Variants in CDR2 observed in about 807,000 individuals in gnomAD.
CDR2 encodes cerebellar degeneration-related protein 2.
In CDR2, 34 loss-of-function variants were observed where a neutral mutation model predicts 48.4. The observed-to-expected ratio is 0.70, with a 90% CI of 0.53 to 0.94. CDR2 has a LOEUF of 0.94. CDR2 is among the 40% of genes least tolerant of loss of function. The pLI, the probability that CDR2 is intolerant of heterozygous loss-of-function variation, is 0.00. For synonymous variants in CDR2, 240 were observed against 219.7 expected (o/e 1.09, Z -0.82); for missense variants, 498 against 549.5 (o/e 0.91, Z 0.94).
In CDR2 at chr16:22,346,729, G is replaced by A. The variant is rs369177018; in HGVS notation, c.*236C>T. 3.8e-5 allele frequency: 20 copies of A among 527,282 alleles called. No individual in the cohort carries two copies. The highest frequency in any genetic ancestry group is 2.7e-4 in the African/African-American group (14 of 52,764). 32.7% of individuals were successfully genotyped at this position (527,282 alleles called of 1,614,324 possible). On this transcript the variant is annotated 3_prime_UTR_variant, in exon 5 of 5. Coordinates refer to ENST00000268383, the MANE Select transcript of CDR2 (RefSeq NM_001802.2). ...TTTCAGGAACTGAAGTCTAATCAGCGCGCCAGCCAGAGGCCAGTTTGTCAT... is the reference window on the plus strand; with the variant it reads ...TTTCAGGAACTGAAGTCTAATCAGCACGCCAGCCAGAGGCCAGTTTGTCAT...
At position 22,374,197 on chromosome 16, in the gene CDR2, C is replaced by A; in HGVS notation, c.79+34G>T. The A allele has an allele frequency of 2.7e-6, 4 of 1,481,792 alleles. No individual in the cohort carries two copies. The South Asian group carries it at 4.7e-5, about 17-fold the overall frequency. 91.8% of individuals were successfully genotyped at this position (1,481,792 alleles called of 1,614,324 possible). Reference sequence around the variant, plus strand: ...CGCAGCGGGGGCCTCCCGGGCCAGGCCGCCGCCCGCCCGCGGGGCGCCCCC... The same window carrying A: ...CGCAGCGGGGGCCTCCCGGGCCAGGACGCCGCCCGCCCGCGGGGCGCCCCC... On this transcript the variant is annotated intron_variant, in intron 1 of 4. Coordinates refer to ENST00000268383, the MANE Select transcript of CDR2 (RefSeq NM_001802.2).
chr16:22,347,971 C>T lies in CDR2; in HGVS notation c.507-148G>A, dbSNP rs531006298. The T allele has an allele frequency of 8.7e-5, 66 of 754,570 alleles. No individual in the cohort carries two copies. The African/African-American group carries it at 1.0e-3, about 11-fold the overall frequency. The allele number at this position is 754,570 out of a possible 1,614,324, so 46.7% of individuals were successfully genotyped here. On this transcript the variant is annotated intron_variant, in intron 4 of 4. Transcript: ENST00000268383. The stretch of plus-strand genomic sequence containing the variant: ...TCTTTTTTTTTGAGACGGAGTCTCA[C>T]TTTGTCGCCAGGCTGGAGTGCAGTG...
intron 2 of CDR2, among the ~76,000 whole-genome samples, chr16:22,355,418 A>C (rs2141846230): frequency 6.6e-6 from 1 of 152,338 alleles, no homozygotes; most frequent in South Asian, 2.1e-4. Context: ...CCATGGATAG[A>C]CTTTAGAGGG....
At position 22,346,921 on chromosome 16, in the gene CDR2, G is replaced by A. The variant is rs750507833; in HGVS notation, c.*44C>T. 46 of 1,570,428 alleles carry A rather than the reference G, an allele frequency of 2.9e-5. 1 individual carries two copies. The South Asian group carries it at 4.7e-4, about 16-fold the overall frequency. On this transcript the variant is annotated 3_prime_UTR_variant, in exon 5 of 5. Transcript: ENST00000268383. ...AACACTTGTCTGAATGGGAGAGAGAGGCGATAGGCAATAGGCAAATTAGTA... is the reference window on the plus strand; with the variant it reads ...AACACTTGTCTGAATGGGAGAGAGAAGCGATAGGCAATAGGCAAATTAGTA...
chr16:22,367,928 T>C (rs1246014164), intron 1 of CDR2, among the ~76,000 whole-genome samples: 1 of 152,126 alleles, frequency 6.6e-6, no homozygotes, highest in Non-Finnish European at 1.5e-5. Flanking sequence ...TTACATTCAT[T>C]AAGACTTTAG....
Position 22,349,856 on chromosome 16 carries a change from GAGA to G in CDR2, c.193-10_193-8del, listed in dbSNP as rs769914251. 1.7e-5 allele frequency: 28 copies of G among 1,613,780 alleles called. 1 individual carries two copies. Among genetic ancestry groups the G allele is most frequent in the African/African-American group, 1.2e-4 (9 of 74,896 alleles). On this transcript the variant is annotated splice_polypyrimidine_tract_variant and splice_region_variant and intron_variant, in intron 2 of 4. Coordinates refer to ENST00000268383, the MANE Select transcript of CDR2 (RefSeq NM_001802.2). Reference sequence around the variant, plus strand: ...CCACTTGCTTCGTCAGATACTGTAAGAGAAGATCAGGACCAGGTGACACAAACA... The same window carrying G: ...CCACTTGCTTCGTCAGATACTGTAAGAGATCAGGACCAGGTGACACAAACA...
intron 2 of CDR2, among the ~76,000 whole-genome samples, chr16:22,355,167 A>T (rs1751937965): frequency 6.6e-6 from 1 of 152,264 alleles, no homozygotes; most frequent in Non-Finnish European, 1.5e-5. Flanking sequence ...ATAATTCCTT[A>T]ACATCTATTA....
intron 2 of CDR2, among the ~76,000 whole-genome samples, chr16:22,364,210 T>C (rs1387828108): frequency 1.3e-5 from 2 of 152,152 alleles, no homozygotes; most frequent in Non-Finnish European, 2.9e-5. Context: ...CCTAAAGTGC[T>C]GAGATTATAG....
chr16:22,361,041 G>A (rs747562970), intron 2 of CDR2, among the ~76,000 whole-genome samples: 15 of 152,046 alleles, frequency 9.9e-5, no homozygotes, highest in East Asian at 5.8e-4. Context: ...GAGCCACTGC[G>A]CCAAGCTGTG....
chr16:22,354,094 A>T (rs964295096), intron 2 of CDR2, among the ~76,000 whole-genome samples: 3 of 152,232 alleles, frequency 2.0e-5, no homozygotes, highest in Non-Finnish European at 4.4e-5. Context: ...ACCTGGAAGA[A>T]GATTTATTAA....
At chr16:22,369,286 G>GC (rs1304737383) in intron 1 of CDR2, among the ~76,000 whole-genome samples, 1 of 91,990 alleles carries the variant, frequency 1.1e-5, no homozygotes, top group Non-Finnish European at 2.8e-5. Context: ...TCTCTTAGCA[G>GC]GAAAAAAAAA....
chr16:22,352,029 C>T (rs1007961582), intron 2 of CDR2, among the ~76,000 whole-genome samples: 7 of 152,154 alleles, frequency 4.6e-5, no homozygotes, highest in African/African-American at 1.7e-4. Context: ...AGGCAGATTG[C>T]TTAAGGCAGG....
At chr16:22,364,866 G>A (rs1280014854) in intron 2 of CDR2, 36 bp downstream of exon 2, 1 of 1,179,268 alleles carries the variant, frequency 8.5e-7, no homozygotes, top group South Asian at 1.2e-5. Flanking sequence ...ACACATCGAA[G>A]TGTCAAAAGT....
At chr16:22,360,404 C>T (rs867573417) in intron 2 of CDR2, among the ~76,000 whole-genome samples, 2 of 151,716 alleles carry the variant, frequency 1.3e-5, no homozygotes, top group Admixed American at 6.6e-5. Context: ...TTGTTTTTTT[C>T]GTTTTTACAT....
chr16:22,357,590 G>T (rs61324392), intron 2 of CDR2, among the ~76,000 whole-genome samples: 1 of 152,106 alleles, frequency 6.6e-6, no homozygotes, highest in Middle Eastern at 3.2e-3. Flanking sequence ...TTCTCTCCCC[G>T]CTTTTCCATT....
chr16:22,374,402 G>C lies in CDR2; in HGVS notation c.-93C>G, dbSNP rs2049103674. 4.1e-6 allele frequency: 3 copies of C among 738,608 alleles called. No homozygotes were observed. The highest frequency in any genetic ancestry group is 2.9e-4 in the Middle Eastern group (1 of 3,400). The allele number at this position is 738,608 out of a possible 1,614,324, so 45.8% of individuals were successfully genotyped here. On this transcript the variant is annotated 5_prime_UTR_variant, in exon 1 of 5. Transcript: ENST00000268383. ...TCCCCGGCCCCTCCGCCCTCAGCCA[G>C]AGCCGCCCTCGGGCGGGACGCGCCG...
At chr16:22,364,400 G>C (rs143335763) in intron 2 of CDR2, among the ~76,000 whole-genome samples, 1 of 151,564 alleles carries the variant, frequency 6.6e-6, no homozygotes, top group African/African-American at 2.4e-5. Context: ...TTCAAATTTA[G>C]GATATGGTTT....
chr16:22,350,834 A>G (rs972614087), intron 2 of CDR2, among the ~76,000 whole-genome samples: 3 of 152,234 alleles, frequency 2.0e-5, no homozygotes, highest in Admixed American at 6.5e-5. Flanking sequence ...TCAAAGTTTA[A>G]GCAAAAACAT....
rs1267234814 is a variant in CDR2, at chr16:22,345,981, C to T, written c.*984G>A. 2 of 152,580 alleles carry T rather than the reference C, an allele frequency of 1.3e-5. No individual in the cohort carries two copies. Among genetic ancestry groups the T allele is most frequent in the African/African-American group, 2.4e-5 (1 of 41,422 alleles). 9.5% of individuals were successfully genotyped at this position (152,580 alleles called of 1,614,324 possible). A position where few individuals can be genotyped will look rare whatever the true frequency, so the allele number is the denominator to read the frequency against. On this transcript the variant is annotated 3_prime_UTR_variant, in exon 5 of 5. Transcript: ENST00000268383. Reference sequence around the variant, plus strand: ...TATTTGGTTTTTAGAAAAATATATACAATAATCGGAACATCAGTTCTTAAA... The same window carrying T: ...TATTTGGTTTTTAGAAAAATATATATAATAATCGGAACATCAGTTCTTAAA...
Sources: gnomAD v4.1 joint callset for allele counts (sites outside exome capture counted in the v4.1 genomes callset) on GRCh38, gnomAD v4.1.1 for gene constraint, MANE v1.5 for transcripts, NCBI Gene and HGNC (gene_info 2026-07-23, HGNC 2026-07-21) for gene names.